The following PLCXD3 variants were observed in gnomAD, a reference collection of about 807,000 sequenced individuals.
The protein encoded by PLCXD3 is phosphatidylinositol specific phospholipase C X domain containing 3, also known as PI-PLC X domain-containing protein 3.
Under a neutral mutation model 25.5 loss-of-function variants are expected in PLCXD3, and 19 were observed. The observed-to-expected ratio is 0.75, with a 90% CI of 0.52 to 1.09. The LOEUF (loss-of-function observed/expected upper bound fraction) is 1.09. Ranked by LOEUF, PLCXD3 falls within the 50% of genes least tolerant of loss-of-function variation. The pLI, the probability that PLCXD3 is intolerant of heterozygous loss-of-function variation, is 0.00. For synonymous variants in PLCXD3, 174 were observed against 137.6 expected (o/e 1.26, Z -1.85); for missense variants, 411 against 388.1 (o/e 1.06, Z -0.50).
At chr5:41,319,548 G>A (rs373855308) in intron 2 of PLCXD3, among the ~76,000 whole-genome samples, 1 of 152,022 alleles carries the variant, frequency 6.6e-6, no homozygotes, top group African/African-American at 2.4e-5. Flanking sequence ...AAATTGAAAA[G>A]TTTCTTGAAA....
In PLCXD3 at chr5:41,488,261, T is replaced by C. The variant is rs1345333235; in HGVS notation, c.103+22163A>G. Among the ~76,000 whole-genome samples the C allele has an allele frequency of 2.1e-5, 3 of 145,110 alleles. No individual in the cohort carries two copies. The East Asian group carries it at 6.0e-4, about 29-fold the overall frequency. On this transcript the variant is annotated intron_variant, in intron 1 of 2. Transcript: ENST00000377801. Reference sequence around the variant, plus strand: ...TGTCCCTACAAAGGACATGAACTCATCATTTTTTATGGCTGCATAGTATTC... The same window carrying C: ...TGTCCCTACAAAGGACATGAACTCACCATTTTTTATGGCTGCATAGTATTC...
chr5:41,466,156 C>G (rs1748013486), intron 1 of PLCXD3, among the ~76,000 whole-genome samples: 1 of 151,814 alleles, frequency 6.6e-6, no homozygotes, highest in Non-Finnish European at 1.5e-5. Context: ...TAATCTTTAC[C>G]TTAAAATACA....
In PLCXD3 at chr5:41,464,166, A is replaced by G. The variant is rs143424543; in HGVS notation, c.103+46258T>C. Among the ~76,000 whole-genome samples, 15 of 152,092 alleles carry G rather than the reference A, an allele frequency of 9.9e-5. No homozygotes were observed. In the East Asian group the frequency reaches 2.7e-3, roughly 28 times the overall value. ...ATCCCTCAGTCTGCCCTGACTGTTC[A>G]TTTACTAGTCTGCTTTAATCTGAAG... On this transcript the variant is annotated intron_variant, in intron 1 of 2. Coordinates refer to ENST00000377801, the MANE Select transcript of PLCXD3 (RefSeq NM_001005473.3).
intron 2 of PLCXD3, among the ~76,000 whole-genome samples, chr5:41,340,131 G>T (rs1744098231): frequency 6.7e-6 from 1 of 149,692 alleles, no homozygotes; most frequent in Non-Finnish European, 1.5e-5. Flanking sequence ...CTGCTCTCCT[G>T]GGTCCTTCTC....
rs560757930 is a variant in PLCXD3 at position 41,465,919 on chromosome 5, T to G, written c.103+44505A>C. ...TAAATGAGTTTTTAAGCCCCAATTT[T>G]CTTAACTCACAAAACAAGATCTTAG... On this transcript the variant is annotated intron_variant, in intron 1 of 2. Coordinates refer to ENST00000377801, the MANE Select transcript of PLCXD3 (RefSeq NM_001005473.3). 6.6e-5 allele frequency among the ~76,000 whole-genome samples: 10 copies of G among 152,246 alleles called. No individual in the cohort carries two copies. The South Asian group carries it at 2.1e-3, about 32-fold the overall frequency.
At chr5:41,348,134 G>A (rs1008992951) in intron 2 of PLCXD3, among the ~76,000 whole-genome samples, 1 of 152,166 alleles carries the variant, frequency 6.6e-6, no homozygotes, top group African/African-American at 2.4e-5. Flanking sequence ...CTTTGAGGTA[G>A]GTTAATAGTA....
At chr5:41,379,182 G>A (rs1472998480) in intron 2 of PLCXD3, among the ~76,000 whole-genome samples, 3 of 152,052 alleles carry the variant, frequency 2.0e-5, no homozygotes, top group African/African-American at 7.2e-5. Flanking sequence ...TCCCTGCCAG[G>A]CTCCTGCTGC....
chr5:41,414,139 C>T (rs1746635660), intron 1 of PLCXD3, among the ~76,000 whole-genome samples: 1 of 152,100 alleles, frequency 6.6e-6, no homozygotes, highest in African/African-American at 2.4e-5. Context: ...GCTTCCATAC[C>T]CCAAAAGAAG....
At chr5:41,492,249 G>A (rs1197569989) in intron 1 of PLCXD3, among the ~76,000 whole-genome samples, 1 of 152,226 alleles carries the variant, frequency 6.6e-6, no homozygotes, top group African/African-American at 2.4e-5. Context: ...CTTTAAGAAT[G>A]TTGAATATTG....
At chr5:41,502,691 G>A (rs539866702) in intron 1 of PLCXD3, among the ~76,000 whole-genome samples, 14 of 152,188 alleles carry the variant, frequency 9.2e-5, no homozygotes, top group South Asian at 8.3e-4. Context: ...CCCAAACCGC[G>A]TAATTTCTCT....
chr5:41,361,190 G>T (rs1302304471), intron 2 of PLCXD3, among the ~76,000 whole-genome samples: 2 of 152,090 alleles, frequency 1.3e-5, no homozygotes, highest in Non-Finnish European at 2.9e-5. Context: ...GGGGAAAGCT[G>T]GCAGTCACAG....
intron 1 of PLCXD3, among the ~76,000 whole-genome samples, chr5:41,453,994 A>G (rs571727728): frequency 7.9e-5 from 12 of 152,080 alleles, no homozygotes; most frequent in African/African-American, 2.6e-4. Context: ...AGAGAAAAAT[A>G]CCTTTTTTTG....
At chr5:41,375,989 C>CCTTA (rs1745282755) in intron 2 of PLCXD3, among the ~76,000 whole-genome samples, 3 of 152,104 alleles carry the variant, frequency 2.0e-5, no homozygotes, top group Non-Finnish European at 4.4e-5. Flanking sequence ...GGATGCAAGG[C>CCTTA]CTTAAATGGA....
At chr5:41,367,075 T>C (rs1744957218) in intron 2 of PLCXD3, among the ~76,000 whole-genome samples, 1 of 152,216 alleles carries the variant, frequency 6.6e-6, no homozygotes. Context: ...GTCTTTGCTA[T>C]TGTGAGTAGT....
intron 1 of PLCXD3, among the ~76,000 whole-genome samples, chr5:41,499,395 C>T (rs1236069230): frequency 1.3e-5 from 2 of 151,510 alleles, no homozygotes; most frequent in African/African-American, 4.8e-5. Flanking sequence ...ATCCCACTTA[C>T]AATATTATCA....
intron 2 of PLCXD3, among the ~76,000 whole-genome samples, chr5:41,378,313 A>G (rs577175361): frequency 2.0e-5 from 3 of 152,204 alleles, no homozygotes; most frequent in Admixed American, 6.6e-5. Context: ...AGCTTTGCAA[A>G]TGGTTAAAAA....
At chr5:41,380,328 C>A (rs143147453) in intron 2 of PLCXD3, among the ~76,000 whole-genome samples, 1 of 151,978 alleles carries the variant, frequency 6.6e-6, no homozygotes, top group African/African-American at 2.4e-5. Flanking sequence ...TCATTGCTTG[C>A]GTATTATCCC....
intron 1 of PLCXD3, among the ~76,000 whole-genome samples, chr5:41,500,588 A>C (rs1174056668): frequency 1.3e-5 from 2 of 151,714 alleles, no homozygotes; most frequent in African/African-American, 4.8e-5. Context: ...ACAAACACGC[A>C]ACTTAAACCT....
At chr5:41,342,898 G>C (rs760509684) in intron 2 of PLCXD3, among the ~76,000 whole-genome samples, 1 of 152,078 alleles carries the variant, frequency 6.6e-6, no homozygotes, top group Non-Finnish European at 1.5e-5. Flanking sequence ...GTGGGGATAG[G>C]CCTTGTATCT....
Sources: allele counts gnomAD v4.1 joint callset (sites outside exome capture counted in the v4.1 genomes callset), GRCh38; gene constraint gnomAD v4.1.1; transcripts MANE v1.5; gene names NCBI Gene and HGNC (gene_info 2026-07-23, HGNC 2026-07-21).